ANO4: variants seen among roughly 807,000 people sequenced by gnomAD.
The protein encoded by ANO4 is anoctamin-4.
A neutral mutation model predicts 141.9 loss-of-function variants in ANO4; 69 were observed. The ratio of observed to expected loss-of-function variants is 0.49; its 90% CI spans 0.40 to 0.59. ANO4 has a LOEUF of 0.59. ANO4 is among the 20% of genes least tolerant of loss of function. The pLI, the probability that ANO4 is intolerant of heterozygous loss-of-function variation, is 0.00. For synonymous variants in ANO4, 350 were observed against 394.3 expected, an observed-to-expected ratio of 0.89 and a Z score of 1.33; for missense variants, 894 against 1,162.2, an observed-to-expected ratio of 0.77 and a Z score of 3.36.
intron 5 of ANO4, among the ~76,000 whole-genome samples, chr12:100,959,771 T>A (rs1351334149): frequency 6.6e-6 from 1 of 152,204 alleles, no homozygotes; most frequent in Non-Finnish European, 1.5e-5. Context: ...GCTCACCTTC[T>A]CTTCTGTTTG....
chr12:100,757,449 C>T (rs2032661866), intron 3 of ANO4, among the ~76,000 whole-genome samples: 1 of 152,156 alleles, frequency 6.6e-6, no homozygotes, highest in African/African-American at 2.4e-5. Context: ...ATGATTGGGC[C>T]TCTGCCCAAT....
intron 22 of ANO4, among the ~76,000 whole-genome samples, chr12:101,108,771 C>G (rs2050549141): frequency 6.6e-6 from 1 of 152,002 alleles, no homozygotes; most frequent in Non-Finnish European, 1.5e-5. Flanking sequence ...GCATCAGAAA[C>G]CACCTCCTTT....
chr12:100,787,376 T>C (rs952799660), intron 3 of ANO4, among the ~76,000 whole-genome samples: 3 of 151,518 alleles, frequency 2.0e-5, no homozygotes, highest in African/African-American at 7.3e-5. Flanking sequence ...GCTTGGTGAG[T>C]TTTGCAACTC....
intron 3 of ANO4, among the ~76,000 whole-genome samples, chr12:100,788,638 A>T (rs2033946579): frequency 6.6e-6 from 1 of 152,196 alleles, no homozygotes; most frequent in African/African-American, 2.4e-5. Context: ...TGTAGAGAAC[A>T]TGGGAACAGT....
intron 3 of ANO4, among the ~76,000 whole-genome samples, chr12:100,938,845 G>GA (rs574571253): frequency 2.0e-4 from 30 of 152,116 alleles, no homozygotes; most frequent in African/African-American, 6.3e-4. Flanking sequence ...AACAAAGGAG[G>GA]AAAAAAATCA....
intron 3 of ANO4, among the ~76,000 whole-genome samples, chr12:100,761,903 A>G (rs7306431): frequency 0.031 from 4,742 of 152,074 alleles, 244 homozygotes; most frequent in African/African-American, 0.11. Context: ...ACCTGTACCC[A>G]TGGCTCCAAA....
chr12:100,827,578 C>T (rs867051), intron 1 of ANO4, among the ~76,000 whole-genome samples: 120,428 of 151,904 alleles, frequency 0.79, 47,912 homozygotes, highest in Admixed American at 0.86. Flanking sequence ...CAATAAATAT[C>T]TGTCAGCTGA....
At chr12:100,914,961 T>G (rs1206724101) in intron 2 of ANO4, among the ~76,000 whole-genome samples, 1 of 152,152 alleles carries the variant, frequency 6.6e-6, no homozygotes, top group Non-Finnish European at 1.5e-5. Context: ...ATTACAGGTA[T>G]GCACCAATAT....
At position 100,776,398 on chromosome 12, in the gene ANO4, A is replaced by G. The variant is rs75250214; in HGVS notation, c.358+36293A>G. 4.9e-3 allele frequency among the ~76,000 whole-genome samples: 750 copies of G among 152,298 alleles called. 23 individuals are homozygous for G. In the East Asian group the frequency reaches 0.068, roughly 14 times the overall value. ...CTTGGATAAGTTAATGGTTTGGTTC[A>G]TAACCACCCCAGGGATTCAGCATCA... is the stretch of plus-strand genomic sequence containing the variant. On this transcript the variant is annotated intron_variant, in intron 3 of 29. Coordinates refer to the ANO4 transcript ENST00000644049.
rs150247036 is a variant in ANO4, at chr12:100,988,227, G to A, written c.734+557G>A. ...TGGTTATTTGTCACTTTTGACATGG[G>A]GGGAGGAAAAACAAGTTGGCTAAGT... is the stretch of plus-strand genomic sequence containing the variant. On this transcript the variant is annotated intron_variant, in intron 8 of 27. Transcript: ENST00000392977. 3.2e-4 allele frequency among the ~76,000 whole-genome samples: 49 copies of A among 152,228 alleles called. No homozygotes were observed. In the East Asian group the frequency reaches 7.7e-3, roughly 24 times the overall value.
chr12:101,062,336 G>A (rs1056360285), intron 14 of ANO4, among the ~76,000 whole-genome samples: 50 of 152,336 alleles, frequency 3.3e-4, no homozygotes, highest in Non-Finnish European at 6.0e-4. Context: ...GCTGGGAGGT[G>A]TCTCCCAGTC....
At chr12:100,828,985 A>C (rs1343755255) in intron 1 of ANO4, among the ~76,000 whole-genome samples, 4 of 151,626 alleles carry the variant, frequency 2.6e-5, no homozygotes. Context: ...GTGCCACTGC[A>C]CTCCAGCCTG....
At chr12:101,079,342 A>G (rs974253921) in intron 15 of ANO4, 67 bp downstream of exon 15, 27 of 1,312,940 alleles carry the variant, frequency 2.1e-5, no homozygotes, top group East Asian at 2.3e-5. Context: ...CCCCCCCCCA[A>G]AATTGTCACT....
At chr12:101,098,014 T>G in intron 21 of ANO4, 69 bp downstream of exon 21, 1 of 1,413,150 alleles carries the variant, frequency 7.1e-7, no homozygotes, top group Non-Finnish European at 9.9e-7. Flanking sequence ...GTGTGGCAAG[T>G]AAGATAAGCA....
intron 8 of ANO4, among the ~76,000 whole-genome samples, chr12:100,999,813 T>C (rs2045556495): frequency 6.6e-6 from 1 of 151,344 alleles, no homozygotes; most frequent in South Asian, 2.1e-4. Context: ...GGGAGGCCAA[T>C]GCAGGCAGAT....
intron 14 of ANO4, among the ~76,000 whole-genome samples, chr12:101,077,230 T>C (rs1057373479): frequency 6.6e-6 from 1 of 152,202 alleles, no homozygotes; most frequent in African/African-American, 2.4e-5. Flanking sequence ...TCACAGCTCA[T>C]TGGGGAGGAA....
At chr12:100,939,221 A>G (rs2042405377) in intron 3 of ANO4, 94 bp from the exon 4 acceptor site, 2 of 1,300,030 alleles carry the variant, frequency 1.5e-6, no homozygotes, top group Non-Finnish European at 2.1e-6. Flanking sequence ...ATGATGAGAA[A>G]ATATGAACCC....
chr12:100,951,248 G>C (rs2042958828), intron 5 of ANO4, among the ~76,000 whole-genome samples: 1 of 152,206 alleles, frequency 6.6e-6, no homozygotes, highest in South Asian at 2.1e-4. Context: ...GGGAGTGTCA[G>C]TTCAATCACT....
chr12:101,056,936 T>C (rs989084917), intron 14 of ANO4, among the ~76,000 whole-genome samples: 10 of 150,024 alleles, frequency 6.7e-5, no homozygotes, highest in African/African-American at 2.2e-4. Flanking sequence ...ACATGTGCCA[T>C]CGTGGTTTGC....
Sources: allele counts gnomAD v4.1 joint callset (sites outside exome capture counted in the v4.1 genomes callset), GRCh38; gene constraint gnomAD v4.1.1; transcripts MANE v1.5; gene names NCBI Gene and HGNC (gene_info 2026-07-23, HGNC 2026-07-21).